FYN: variants seen among roughly 807,000 people sequenced by gnomAD.
The protein encoded by FYN is tyrosine-protein kinase Fyn.
A neutral mutation model predicts 70.2 loss-of-function variants in FYN; 10 were observed. The ratio of observed to expected loss-of-function variants is 0.14; its 90% CI spans 0.09 to 0.24. The LOEUF (loss-of-function observed/expected upper bound fraction) is 0.24, where lower values mean the gene tolerates loss of function less well. FYN is among the 10% of genes least tolerant of loss of function. The pLI, the probability that FYN is intolerant of heterozygous loss-of-function variation, is 1.00. For synonymous variants in FYN, 236 were observed against 248.6 expected, an observed-to-expected ratio of 0.95 and a Z score of 0.48; for missense variants, 319 against 673.1, an observed-to-expected ratio of 0.47 and a Z score of 5.82.
At chr6:111,735,813 C>G (rs566859799) in intron 3 of FYN, among the ~76,000 whole-genome samples, 2 of 152,178 alleles carry the variant, frequency 1.3e-5, no homozygotes, top group Admixed American at 6.5e-5. Flanking sequence ...AAATCATCCC[C>G]AACTGTGGCA....
At position 111,860,088 on chromosome 6, in the gene FYN, C is replaced by G. The variant is rs188473406; in HGVS notation, c.-123+12880G>C. 1.7e-3 allele frequency among the ~76,000 whole-genome samples: 253 copies of G among 152,156 alleles called. No individual in the cohort carries two copies. In the Middle Eastern group the frequency reaches 0.031, roughly 18 times the overall value. ...TGGGACAGAATCTCCTTCAGGGACT[C>G]CATAAGAAATAAACCCTGCTGAGAG... On this transcript the variant is annotated intron_variant, in intron 1 of 13. Coordinates refer to ENST00000354650, the MANE Select transcript of FYN (RefSeq NM_002037.5).
intron 3 of FYN, among the ~76,000 whole-genome samples, chr6:111,773,203 C>T (rs999341436): frequency 4.7e-5 from 7 of 148,878 alleles, no homozygotes; most frequent in South Asian, 4.3e-4. Flanking sequence ...ATTCTCCCAA[C>T]CAGCAAGTTT....
Position 111,708,040 on chromosome 6 carries a change from G to A in FYN, c.345-20C>T. 2.5e-6 allele frequency: 4 copies of A among 1,579,658 alleles called. No individual in the cohort carries two copies. Among genetic ancestry groups the A allele is most frequent in the Non-Finnish European group, 3.5e-6 (4 of 1,149,132 alleles). ...CCTTCCCTGTAAATAAAAAAGAAAA[G>A]TAAATATGTTGACCATTTCAACAGC... On this transcript the variant is annotated intron_variant, in intron 5 of 13. Coordinates refer to ENST00000354650, the MANE Select transcript of FYN (RefSeq NM_002037.5).
intron 13 of FYN, among the ~76,000 whole-genome samples, chr6:111,669,815 T>C (rs1798186677): frequency 1.3e-5 from 2 of 152,106 alleles, no homozygotes; most frequent in Non-Finnish European, 2.9e-5. Flanking sequence ...GTGGACCCTG[T>C]GCTGGACCTC....
intron 2 of FYN, among the ~76,000 whole-genome samples, chr6:111,836,767 A>C (rs939013299): frequency 2.6e-5 from 4 of 152,236 alleles, no homozygotes; most frequent in African/African-American, 9.6e-5. Context: ...GTCTCAAAAA[A>C]GAAACAAAGA....
At chr6:111,775,474 A>C (rs1770896629) in intron 3 of FYN, among the ~76,000 whole-genome samples, 1 of 152,218 alleles carries the variant, frequency 6.6e-6, no homozygotes, top group Admixed American at 6.5e-5. Context: ...GTAACACAGA[A>C]GTTGACACCC....
chr6:111,863,268 CGCTTCTTAAAATATCCTTATGT>C (rs1468338372), intron 1 of FYN, among the ~76,000 whole-genome samples: 1 of 152,158 alleles, frequency 6.6e-6, no homozygotes, highest in East Asian at 1.9e-4. Context: ...CAGAAATCAG[CGCTTCTTAAAATATCCTTATGT>C]GCATGTATGT....
At position 111,794,639 on chromosome 6, in the gene FYN, T is replaced by A. The variant is rs545435171; in HGVS notation, c.-81-14004A>T. On this transcript the variant is annotated intron_variant, in intron 2 of 13. Transcript: ENST00000354650. ...TGGTCACAAAAAATCAAAAGATTAT[T>A]TCATCACACATGGAGATTATACAAA... Among the ~76,000 whole-genome samples the A allele has an allele frequency of 1.3e-4, 20 of 152,336 alleles. No individual in the cohort carries two copies. The South Asian group carries it at 3.9e-3, about 30-fold the overall frequency.
intron 1 of FYN, among the ~76,000 whole-genome samples, chr6:111,848,714 A>G (rs1038912154): frequency 1.2e-4 from 18 of 152,206 alleles, no homozygotes; most frequent in Non-Finnish European, 2.2e-4. Flanking sequence ...GCAAAATAGA[A>G]TTGCTATCTA....
chr6:111,736,368 T>C (rs1801710735), intron 3 of FYN, among the ~76,000 whole-genome samples: 1 of 152,238 alleles, frequency 6.6e-6, no homozygotes, highest in Non-Finnish European at 1.5e-5. Context: ...TCTACTCACA[T>C]ATACAGGCTT....
chr6:111,812,401 CTT>C (rs1260687713), intron 2 of FYN, among the ~76,000 whole-genome samples: 1 of 152,114 alleles, frequency 6.6e-6, no homozygotes, highest in African/African-American at 2.4e-5. Flanking sequence ...GCGCATATGC[CTT>C]CGTCTACTCT....
chr6:111,833,563 T>C (rs1449945908), intron 2 of FYN, among the ~76,000 whole-genome samples: 4 of 152,190 alleles, frequency 2.6e-5, no homozygotes, highest in Admixed American at 1.3e-4. Flanking sequence ...CAAGATGGAA[T>C]CTACTCCCTG....
chr6:111,834,943 T>A (rs942184976), intron 2 of FYN, among the ~76,000 whole-genome samples: 3 of 152,180 alleles, frequency 2.0e-5, no homozygotes, highest in Non-Finnish European at 4.4e-5. Context: ...ATTCTCCACC[T>A]TCCCCTATCC....
At chr6:111,751,334 C>G (rs2128487133) in intron 3 of FYN, among the ~76,000 whole-genome samples, 1 of 152,182 alleles carries the variant, frequency 6.6e-6, no homozygotes, top group East Asian at 1.9e-4. Context: ...TTATGTTACA[C>G]TGTGGCCTCA....
At chr6:111,848,227 T>C (rs1773586783) in intron 1 of FYN, among the ~76,000 whole-genome samples, 1 of 152,184 alleles carries the variant, frequency 6.6e-6, no homozygotes, top group Admixed American at 6.5e-5. Flanking sequence ...CAGGTCACAA[T>C]AAGGAGATTT....
At chr6:111,746,206 A>G (rs150998655) in intron 3 of FYN, among the ~76,000 whole-genome samples, 12 of 152,352 alleles carry the variant, frequency 7.9e-5, no homozygotes, top group African/African-American at 2.2e-4. Flanking sequence ...AGTGCAATGT[A>G]TAAACAGATT....
At chr6:111,684,188 G>A (rs894930151) in intron 12 of FYN, among the ~76,000 whole-genome samples, 73 of 152,202 alleles carry the variant, frequency 4.8e-4, no homozygotes, top group African/African-American at 1.8e-3. Context: ...CCGGGGATGT[G>A]AGTGGAGAAG....
At chr6:111,663,672 G>A (rs913642112) in intron 13 of FYN, among the ~76,000 whole-genome samples, 5 of 152,204 alleles carry the variant, frequency 3.3e-5, no homozygotes, top group East Asian at 3.8e-4. Context: ...GTGTCAGGGC[G>A]ACCCCTTATT....
chr6:111,688,805 A>C (rs908883926), intron 12 of FYN, among the ~76,000 whole-genome samples: 2 of 152,184 alleles, frequency 1.3e-5, no homozygotes, highest in African/African-American at 4.8e-5. Flanking sequence ...AAATATGAGA[A>C]AATAGGCAAG....
Sources: allele counts gnomAD v4.1 joint callset (sites outside exome capture counted in the v4.1 genomes callset), GRCh38; gene constraint gnomAD v4.1.1; transcripts MANE v1.5; gene names NCBI Gene and HGNC (gene_info 2026-07-23, HGNC 2026-07-21).